The following MAN1A2 variants were observed in gnomAD, a reference collection of about 807,000 sequenced individuals.
The protein encoded by MAN1A2 is mannosidase alpha class 1A member 2.
A neutral mutation model predicts 75.7 loss-of-function variants in MAN1A2; 26 were observed. That is an observed-to-expected ratio of 0.34 (90% CI 0.25 to 0.48). MAN1A2 has a LOEUF of 0.48. MAN1A2 is among the 20% of genes least tolerant of loss of function. MAN1A2 has a pLI of 0.99. For synonymous variants in MAN1A2, 247 were observed against 264.6 expected (o/e 0.93, Z 0.65); for missense variants, 562 against 775.5 (o/e 0.72, Z 3.27).
chr1:117,459,758 G>T (rs1055787972), intron 6 of MAN1A2, among the ~76,000 whole-genome samples: 1 of 152,086 alleles, frequency 6.6e-6, no homozygotes, highest in African/African-American at 2.4e-5. Context: ...AATGTTCATG[G>T]TAACAAAATA....
chr1:117,489,937 C>A (rs1557971982), intron 8 of MAN1A2, among the ~76,000 whole-genome samples: 1 of 142,808 alleles, frequency 7.0e-6, no homozygotes, highest in African/African-American at 2.6e-5. Context: ...AAGAAATGTA[C>A]TTTTTTTTTT....
chr1:117,371,080 C>T (rs1483316443), intron 1 of MAN1A2, among the ~76,000 whole-genome samples: 1 of 152,144 alleles, frequency 6.6e-6, no homozygotes, highest in Non-Finnish European at 1.5e-5. Context: ...ACATGCAAAG[C>T]ACTCAACATA....
intron 12 of MAN1A2, among the ~76,000 whole-genome samples, chr1:117,519,093 T>G (rs1348829260): frequency 1.3e-5 from 2 of 151,796 alleles, no homozygotes; most frequent in Non-Finnish European, 2.9e-5. Context: ...GAGCATTGAG[T>G]CAAAAACGAA....
At chr1:117,455,621 A>G (rs535750855) in intron 6 of MAN1A2, among the ~76,000 whole-genome samples, 2 of 152,116 alleles carry the variant, frequency 1.3e-5, no homozygotes, top group South Asian at 4.1e-4. Flanking sequence ...TTTAGAAAAA[A>G]GTTTGTAAAA....
In MAN1A2 at chr1:117,528,281, C is replaced by T. The variant is rs973795938; in HGVS notation, c.*5324C>T. The T allele has an allele frequency of 6.6e-6, 1 of 151,926 alleles. No homozygotes were observed. The highest frequency in any genetic ancestry group is 2.4e-5 in the African/African-American group (1 of 41,380). The allele number at this position is 151,926 out of a possible 1,614,324, so 9.4% of individuals were successfully genotyped here. Reference sequence around the variant, plus strand: ...TCTTTAAGAATTTTATCAAATATTTCACTATTTGGGGAAATTTTAGAGGAG... The same window carrying T: ...TCTTTAAGAATTTTATCAAATATTTTACTATTTGGGGAAATTTTAGAGGAG... On this transcript the variant is annotated 3_prime_UTR_variant, in exon 13 of 13. Transcript: ENST00000356554.
At chr1:117,518,846 A>T (rs975308619) in intron 12 of MAN1A2, among the ~76,000 whole-genome samples, 2 of 152,104 alleles carry the variant, frequency 1.3e-5, no homozygotes, top group Non-Finnish European at 2.9e-5. Flanking sequence ...CTTAACAGAT[A>T]TATGCAGAAC....
At chr1:117,480,227 C>T (rs1054291976) in intron 8 of MAN1A2, among the ~76,000 whole-genome samples, 2 of 151,910 alleles carry the variant, frequency 1.3e-5, no homozygotes. Flanking sequence ...CTCTGGTATA[C>T]TATCCTATAA....
intron 8 of MAN1A2, among the ~76,000 whole-genome samples, chr1:117,472,313 G>T (rs1170965539): frequency 6.6e-6 from 1 of 151,708 alleles, no homozygotes; most frequent in Non-Finnish European, 1.5e-5. Flanking sequence ...TTAGGGAAAA[G>T]GAAAAATATT....
At chr1:117,472,474 T>C (rs1346840870) in intron 8 of MAN1A2, among the ~76,000 whole-genome samples, 1 of 152,056 alleles carries the variant, frequency 6.6e-6, no homozygotes, top group Non-Finnish European at 1.5e-5. Flanking sequence ...GGTATATAGA[T>C]GTGAACAAGT....
chr1:117,369,642 T>A (rs1271240770), intron 1 of MAN1A2, among the ~76,000 whole-genome samples: 1 of 152,220 alleles, frequency 6.6e-6, no homozygotes, highest in African/African-American at 2.4e-5. Flanking sequence ...GAGTAGTTAC[T>A]TCTAATATTG....
intron 11 of MAN1A2, among the ~76,000 whole-genome samples, chr1:117,501,640 T>C (rs1404503732): frequency 6.6e-6 from 1 of 151,850 alleles, no homozygotes; most frequent in Non-Finnish European, 1.5e-5. Flanking sequence ...ACTTAAAAAC[T>C]CTTGTATCCA....
At chr1:117,476,325 A>G (rs367683744) in intron 8 of MAN1A2, among the ~76,000 whole-genome samples, 3 of 151,866 alleles carry the variant, frequency 2.0e-5, no homozygotes, top group East Asian at 1.9e-4. Context: ...CACTCTGATG[A>G]TAGTTTCTTT....
intron 12 of MAN1A2, among the ~76,000 whole-genome samples, chr1:117,519,346 A>C (rs12064131): frequency 6.6e-6 from 1 of 152,106 alleles, no homozygotes. Context: ...TCAGAGCAGA[A>C]CTAAATGAAA....
At chr1:117,378,839 G>A (rs1040438374) in intron 1 of MAN1A2, among the ~76,000 whole-genome samples, 2 of 152,004 alleles carry the variant, frequency 1.3e-5, no homozygotes, top group African/African-American at 2.4e-5. Context: ...CTTAATCTTT[G>A]AGTTACTTGT....
chr1:117,371,628 T>C (rs1266736308), intron 1 of MAN1A2, among the ~76,000 whole-genome samples: 1 of 152,114 alleles, frequency 6.6e-6, no homozygotes, highest in Non-Finnish European at 1.5e-5. Flanking sequence ...GAAAAAAAGC[T>C]TGGCATCACT....
chr1:117,455,763 G>T (rs1649562112), intron 6 of MAN1A2, among the ~76,000 whole-genome samples: 1 of 151,672 alleles, frequency 6.6e-6, no homozygotes, highest in Non-Finnish European at 1.5e-5. Flanking sequence ...GAGAGTGATT[G>T]GAAGAGGTAG....
intron 7 of MAN1A2, among the ~76,000 whole-genome samples, chr1:117,463,146 TA>T (rs1334321385): frequency 2.3e-4 from 34 of 150,934 alleles, no homozygotes; most frequent in African/African-American, 7.5e-4. Flanking sequence ...TCAATTATAT[TA>T]ATAAAAATAT....
In MAN1A2 at chr1:117,416,544, T is replaced by G. The variant is rs556481896; in HGVS notation, c.774+1713T>G. ...TAATAATTCCCTTGTATATCATTAT[T>G]ATCAGTCAGGGTTCAATCAGGAACC... On this transcript the variant is annotated intron_variant, in intron 4 of 12. Coordinates refer to ENST00000356554, the MANE Select transcript of MAN1A2 (RefSeq NM_006699.5). 8.5e-5 allele frequency among the ~76,000 whole-genome samples: 13 copies of G among 152,334 alleles called. No individual in the cohort carries two copies. The South Asian group carries it at 2.7e-3, about 32-fold the overall frequency.
At chr1:117,457,960 T>G (rs1649657043) in intron 6 of MAN1A2, among the ~76,000 whole-genome samples, 1 of 152,192 alleles carries the variant, frequency 6.6e-6, no homozygotes, top group African/African-American at 2.4e-5. Context: ...TTTCCCTTAC[T>G]GGGAATTCTG....
Sources: gnomAD v4.1 joint callset for allele counts (sites outside exome capture counted in the v4.1 genomes callset) on GRCh38, gnomAD v4.1.1 for gene constraint, MANE v1.5 for transcripts, NCBI Gene and HGNC (gene_info 2026-07-23, HGNC 2026-07-21) for gene names.